The following WDFY4 variants were observed in gnomAD, a reference collection of about 807,000 sequenced individuals.
WDFY4 encodes WD repeat- and FYVE domain-containing protein 4.
A neutral mutation model predicts 351.9 loss-of-function variants in WDFY4; 169 were observed. The observed-to-expected ratio is 0.48, with a 90% confidence interval of 0.42 to 0.55. The LOEUF (loss-of-function observed/expected upper bound fraction) is 0.55, where lower values mean the gene tolerates loss of function less well. Ranked by LOEUF, WDFY4 falls within the 20% of genes least tolerant of loss-of-function variation. WDFY4 has a pLI of 0.00. For missense variants in WDFY4, 3,803 were observed against 3,935.6 expected, an observed-to-expected ratio of 0.97 and a Z score of 0.90; for synonymous variants, 1,622 against 1,574.6, an observed-to-expected ratio of 1.03 and a Z score of -0.71.
intron 22 of WDFY4, among the ~76,000 whole-genome samples, chr10:48,790,512 A>G (rs1339369200): frequency 1.3e-5 from 2 of 152,166 alleles, no homozygotes; most frequent in Non-Finnish European, 2.9e-5. Context: ...CAGCCTTCTG[A>G]TGGCAAAGAA....
intron 57 of WDFY4, among the ~76,000 whole-genome samples, chr10:48,971,956 C>T (rs1382001303): frequency 6.6e-6 from 1 of 152,210 alleles, no homozygotes; most frequent in Non-Finnish European, 1.5e-5. Flanking sequence ...CATAGTTCCA[C>T]CTGACCCTGG....
At chr10:48,867,451 T>C in intron 40 of WDFY4, 109 bp downstream of exon 40, 1 of 579,058 alleles carries the variant, frequency 1.7e-6, no homozygotes. Flanking sequence ...CTCACCAGGC[T>C]TGCACCATGT....
At chr10:48,877,256 C>G (rs1367794299) in intron 43 of WDFY4, 57 bp downstream of exon 43, 22 of 1,497,784 alleles carry the variant, frequency 1.5e-5, no homozygotes, top group Non-Finnish European at 1.9e-5. Flanking sequence ...TTAAGATTGT[C>G]AGACAGGAGA....
At chr10:48,764,405 T>C (rs887578187) in intron 13 of WDFY4, among the ~76,000 whole-genome samples, 3 of 152,222 alleles carry the variant, frequency 2.0e-5, no homozygotes, top group African/African-American at 7.2e-5. Flanking sequence ...AGTGCAAAAA[T>C]GGAGTCCAGC....
chr10:48,721,393 C>T (rs781742818), intron 4 of WDFY4, 26 bp downstream of exon 4: 7 of 1,546,812 alleles, frequency 4.5e-6, no homozygotes, highest in East Asian at 2.4e-5. Flanking sequence ...TCAGCCTCTG[C>T]CCTGGGCACT....
chr10:48,929,206 G>A (rs1357266003), intron 47 of WDFY4, among the ~76,000 whole-genome samples: 4 of 151,892 alleles, frequency 2.6e-5, no homozygotes, highest in African/African-American at 9.7e-5. Flanking sequence ...GAGAGGAGGG[G>A]ATGGACAACA....
chr10:48,903,415 G>C (rs904548817), intron 47 of WDFY4, among the ~76,000 whole-genome samples: 1 of 152,208 alleles, frequency 6.6e-6, no homozygotes, highest in Non-Finnish European at 1.5e-5. Flanking sequence ...CTGGAGACTA[G>C]TTAGGAAGCT....
chr10:48,925,509 T>C (rs1262420132), intron 47 of WDFY4, among the ~76,000 whole-genome samples: 1 of 152,226 alleles, frequency 6.6e-6, no homozygotes, highest in Admixed American at 6.5e-5. Flanking sequence ...CTCTGCAGTG[T>C]TACCTAGATT....
At chr10:48,912,806 C>T (rs1213721825) in intron 47 of WDFY4, among the ~76,000 whole-genome samples, 2 of 152,186 alleles carry the variant, frequency 1.3e-5, no homozygotes, top group African/African-American at 2.4e-5. Context: ...GCAAGTTATG[C>T]AAGCTCAGTT....
At chr10:48,701,892 G>A (rs7909844) in intron 1 of WDFY4, among the ~76,000 whole-genome samples, 147,999 of 152,312 alleles carry the variant, frequency 0.97, 72,044 homozygotes, top group East Asian at 1. Context: ...GGAAGTCACT[G>A]CTTTGATTAA....
At chr10:48,752,354 T>C (rs1410498728) in intron 12 of WDFY4, among the ~76,000 whole-genome samples, 1 of 152,248 alleles carries the variant, frequency 6.6e-6, no homozygotes, top group Non-Finnish European at 1.5e-5. Context: ...CTCCAGGTGC[T>C]GGACATCTTT....
intron 47 of WDFY4, among the ~76,000 whole-genome samples, chr10:48,938,639 A>C: frequency 6.6e-6 from 1 of 152,232 alleles, no homozygotes; most frequent in Non-Finnish European, 1.5e-5. Context: ...ACTCAAGGGC[A>C]CTGATGCTGT....
intron 2 of WDFY4, among the ~76,000 whole-genome samples, chr10:48,715,069 G>A (rs1179896551): frequency 1.3e-5 from 2 of 152,264 alleles, no homozygotes; most frequent in Non-Finnish European, 2.9e-5. Context: ...GGAAGCCCAA[G>A]TAGTTCTGAG....
In WDFY4 at chr10:48,745,964, A is replaced by C. The variant is rs192701082; in HGVS notation, c.2459+2416A>C. The C allele has an allele frequency of 3.3e-3, 627 of 191,716 alleles. 6 individuals are homozygous for C. The highest frequency in any genetic ancestry group is 0.014 in the African/African-American group (589 of 42,370). The allele number at this position is 191,716 out of a possible 1,614,324, so 11.9% of individuals were successfully genotyped here. Reference sequence around the variant, plus strand: ...GGGTTGGTGCTCATCCGCCTGCGGAAGAAGGCCGGGTACTTCAGCTTATTT... The same window carrying C: ...GGGTTGGTGCTCATCCGCCTGCGGACGAAGGCCGGGTACTTCAGCTTATTT... On this transcript the variant is annotated intron_variant, in intron 12 of 61. Transcript: ENST00000325239.
intron 39 of WDFY4, among the ~76,000 whole-genome samples, chr10:48,835,272 G>C (rs877821): frequency 0.35 from 52,523 of 152,122 alleles, 10,295 homozygotes; most frequent in East Asian, 0.83. Context: ...AGGCAGGGAG[G>C]GGGGCGAGAG....
intron 13 of WDFY4, among the ~76,000 whole-genome samples, chr10:48,763,010 T>C (rs2065557753): frequency 6.6e-6 from 1 of 152,224 alleles, no homozygotes; most frequent in South Asian, 2.1e-4. Context: ...CTTACTCATC[T>C]AACAAATGGG....
intron 9 of WDFY4, among the ~76,000 whole-genome samples, chr10:48,733,019 G>A (rs2064520515): frequency 6.6e-6 from 1 of 152,250 alleles, no homozygotes; most frequent in Non-Finnish European, 1.5e-5. Context: ...CATCTTGAAT[G>A]AAATTAATGT....
In WDFY4 at chr10:48,811,669, C is replaced by T. The variant is rs1242727460; in HGVS notation, c.5175C>T (p.Phe1725=). ...PEVYLIVSTF[F]LQTPLTELMD... ...TCTACCTCATCGTCTCCACCTTCTT[C>T]CTGCAGACACCACTCACAGAGCTGA... Residue 1725 remains phenylalanine, a synonymous_variant, in exon 30 of 62, where the codon TTC becomes TTT. Transcript: ENST00000325239. 6.4e-7 allele frequency: 1 copy of T among 1,551,840 alleles called. No homozygotes were observed.
At chr10:48,764,025 A>G (rs1398255198) in intron 13 of WDFY4, among the ~76,000 whole-genome samples, 8 of 152,236 alleles carry the variant, frequency 5.3e-5, no homozygotes, top group African/African-American at 1.4e-4. Context: ...TGTTACTAGC[A>G]AGATGGAAAG....
Sources: allele counts gnomAD v4.1 joint callset (sites outside exome capture counted in the v4.1 genomes callset), GRCh38; gene constraint gnomAD v4.1.1; transcripts MANE v1.5; gene names NCBI Gene and HGNC (gene_info 2026-07-23, HGNC 2026-07-21).